Variants in STAU2 observed in about 807,000 individuals in gnomAD.
The protein encoded by STAU2 is double-stranded RNA-binding protein Staufen homolog 2.
In STAU2, 20 loss-of-function variants were observed where a neutral mutation model predicts 65.9. That is an observed-to-expected ratio of 0.30 (90% CI 0.21 to 0.44). The LOEUF is 0.44. Ranked by LOEUF, STAU2 falls within the 20% of genes least tolerant of loss-of-function variation. STAU2 has a pLI of 1.00. For missense variants in STAU2, 558 were observed against 683.9 expected, an observed-to-expected ratio of 0.82 and a Z score of 2.05; for synonymous variants, 232 against 233.9, an observed-to-expected ratio of 0.99 and a Z score of 0.07.
intron 3 of STAU2, among the ~76,000 whole-genome samples, chr8:73,725,997 T>G (rs1221583310): frequency 1.3e-5 from 2 of 149,274 alleles, no homozygotes; most frequent in African/African-American, 5.0e-5. Flanking sequence ...GATTATGATG[T>G]GCGTGGTTAG....
chr8:73,700,029 CCAAT>C (rs1251703989), intron 4 of STAU2, among the ~76,000 whole-genome samples: 1 of 152,004 alleles, frequency 6.6e-6, no homozygotes, highest in African/African-American at 2.4e-5. Flanking sequence ...CACACACAAA[CCAAT>C]CAATGTGATA....
intron 13 of STAU2, among the ~76,000 whole-genome samples, chr8:73,532,732 C>G (rs1805904334): frequency 6.6e-6 from 1 of 152,218 alleles, no homozygotes; most frequent in African/African-American, 2.4e-5. Context: ...GAGGCTTCAT[C>G]TACATAACAA....
intron 13 of STAU2, among the ~76,000 whole-genome samples, chr8:73,532,410 G>A (rs1255549845): frequency 6.6e-6 from 1 of 152,116 alleles, no homozygotes; most frequent in Non-Finnish European, 1.5e-5. Context: ...AGTCTGGGAT[G>A]AGCATGGTGG....
intron 4 of STAU2, among the ~76,000 whole-genome samples, chr8:73,695,877 A>G (rs1220346531): frequency 6.6e-6 from 1 of 152,128 alleles, no homozygotes; most frequent in Admixed American, 6.5e-5. Context: ...GTAAATTGCT[A>G]AGGTTTTTGA....
At chr8:73,422,000 C>A (rs955087685) in intron 14 of STAU2, among the ~76,000 whole-genome samples, 4 of 151,416 alleles carry the variant, frequency 2.6e-5, no homozygotes, top group Non-Finnish European at 5.9e-5. Flanking sequence ...TGGAGAGACC[C>A]CAAATTCAGT....
chr8:73,709,106 T>C lies in STAU2; in HGVS notation c.40A>G (p.Asn14Asp). The C allele has an allele frequency of 6.5e-7, 1 of 1,533,676 alleles. No individual in the cohort carries two copies. The highest frequency in any genetic ancestry group is 8.7e-7 in the Non-Finnish European group (1 of 1,144,966). ...ACTCTATTGAAACGGGCTAACTCATTTACCAGACACATTGCAGTTTTCTCT... is the reference window on the plus strand; with the variant it reads ...ACTCTATTGAAACGGGCTAACTCATCTACCAGACACATTGCAGTTTTCTCT... ...PKEKTAMCLV[N>D]ELARFNRVQP... Residue 14 changes from asparagine (N) to aspartate (D), a missense_variant, in exon 4 of 15, where the codon AAT (asparagine) becomes GAT (aspartate). By Grantham distance (23) the Asn-to-Asp change is conservative. This residue lies in a region of STAU2 where 112 missense variants were observed against 114.2 expected (regional missense o/e 0.98). Transcript: ENST00000524300.
At position 73,505,522 on chromosome 8, in the gene STAU2, A is replaced by T. The variant is rs115552641; in HGVS notation, c.1530+46490T>A. Among the ~76,000 whole-genome samples, 591 of 152,168 alleles carry T rather than the reference A, an allele frequency of 3.9e-3. 5 individuals are homozygous for T. The highest frequency in any genetic ancestry group is 0.014 in the African/African-American group (577 of 41,522). ...ACCCCCTGAGACATGGAAGGTTTGG[A>T]CCTAAAAATGCATGGTGACATGTTT... On this transcript the variant is annotated intron_variant, in intron 13 of 14. Coordinates refer to ENST00000524300, the MANE Select transcript of STAU2 (RefSeq NM_001164380.2).
chr8:73,459,933 C>A (rs1271088691), intron 13 of STAU2, among the ~76,000 whole-genome samples: 4 of 152,202 alleles, frequency 2.6e-5, no homozygotes, highest in Non-Finnish European at 5.9e-5. Context: ...GCGTCCCCAG[C>A]CCCAGCCGTG....
At chr8:73,500,156 C>A (rs955862700) in intron 13 of STAU2, among the ~76,000 whole-genome samples, 4 of 151,858 alleles carry the variant, frequency 2.6e-5, no homozygotes, top group African/African-American at 7.2e-5. Context: ...CTCTCAGAAG[C>A]AATGGAGCAT....
chr8:73,486,109 A>G (rs1820897827), intron 13 of STAU2, among the ~76,000 whole-genome samples: 1 of 152,100 alleles, frequency 6.6e-6, no homozygotes, highest in Non-Finnish European at 1.5e-5. Flanking sequence ...CTAACCTGTT[A>G]ACTTTGCCAA....
chr8:73,584,205 CT>C (rs1226063131), intron 11 of STAU2, among the ~76,000 whole-genome samples: 1 of 152,144 alleles, frequency 6.6e-6, no homozygotes, highest in Non-Finnish European at 1.5e-5. Context: ...ATCTCTTTCT[CT>C]CTCTAATTAG....
chr8:73,631,090 T>C (rs1164262948), intron 6 of STAU2, among the ~76,000 whole-genome samples: 9 of 152,072 alleles, frequency 5.9e-5, no homozygotes, highest in African/African-American at 2.2e-4. Context: ...GCACAGTGGC[T>C]CACACCTATA....
At chr8:73,688,554 T>G (rs1208202292) in intron 5 of STAU2, 100 bp downstream of exon 5, 3 of 1,208,474 alleles carry the variant, frequency 2.5e-6, no homozygotes, top group Non-Finnish European at 1.2e-6. Flanking sequence ...ATGTGTACTA[T>G]TAATACTTGC....
In STAU2 at chr8:73,673,242, C is replaced by A; in HGVS notation, c.275G>T (p.Gly92Val). ...CAGTTCCACAGTTGGAGTTATACTG[C>A]CTGTTTAAAAAAAAAACATTAAAGG... ...PPKSNVNNNP[G>V]SITPTVELNG... The change falls in exon 6 of 15, where the codon GGC becomes GTC. Residue 92 changes from glycine (G) to valine (V), a missense_variant and splice_region_variant. Coordinates refer to ENST00000524300, the MANE Select transcript of STAU2 (RefSeq NM_001164380.2). The A allele has an allele frequency of 6.5e-7, 1 of 1,550,132 alleles. No homozygotes were observed. The highest frequency in any genetic ancestry group is 8.7e-7 in the Non-Finnish European group (1 of 1,152,066).
chr8:73,643,965 T>A (rs747752402), intron 6 of STAU2, among the ~76,000 whole-genome samples: 2 of 152,182 alleles, frequency 1.3e-5, no homozygotes, highest in African/African-American at 2.4e-5. Context: ...TTGTATGGAC[T>A]TGTCCTAGAA....
At chr8:73,558,285 A>T (rs1807936386) in intron 12 of STAU2, among the ~76,000 whole-genome samples, 1 of 152,238 alleles carries the variant, frequency 6.6e-6, no homozygotes, top group African/African-American at 2.4e-5. Context: ...GATGTTCCAG[A>T]GATGAGCTCA....
At chr8:73,593,457 A>G (rs565773847) in intron 11 of STAU2, among the ~76,000 whole-genome samples, 62 of 152,308 alleles carry the variant, frequency 4.1e-4, no homozygotes, top group African/African-American at 1.5e-3. Flanking sequence ...TGCAGAGACC[A>G]AGTCTCAGTC....
At chr8:73,432,637 T>C (rs558788349) in intron 13 of STAU2, among the ~76,000 whole-genome samples, 1 of 152,362 alleles carries the variant, frequency 6.6e-6, no homozygotes, top group Admixed American at 6.5e-5. Context: ...GATGAATCAA[T>C]GATATGACTT....
chr8:73,517,891 T>C (rs1289544224), intron 13 of STAU2, among the ~76,000 whole-genome samples: 1 of 152,228 alleles, frequency 6.6e-6, no homozygotes, highest in Non-Finnish European at 1.5e-5. Flanking sequence ...TCTAAGCATA[T>C]ATGAAATTAT....
Sources: gnomAD v4.1 joint callset for allele counts (sites outside exome capture counted in the v4.1 genomes callset) on GRCh38, gnomAD v4.1.1 for gene constraint, gnomAD v4.1.1 regional missense constraint, MANE v1.5 for transcripts, NCBI Gene and HGNC (gene_info 2026-07-23, HGNC 2026-07-21) for gene names.